The following LIMS2 variants were observed in gnomAD, a reference collection of about 807,000 sequenced individuals.
LIMS2 encodes LIM zinc finger domain containing 2.
A neutral mutation model predicts 45.3 loss-of-function variants in LIMS2; 30 were observed. The ratio of observed to expected loss-of-function variants is 0.66; its 90% confidence interval spans 0.50 to 0.90. The LOEUF (loss-of-function observed/expected upper bound fraction) is 0.90. Among genes scored for constraint, LIMS2 ranks in the 40% least tolerant of loss-of-function variants. The pLI, the probability that LIMS2 is intolerant of heterozygous loss-of-function variation, is 0.00. For missense variants in LIMS2, 485 were observed against 468.7 expected (o/e 1.03, Z -0.32); for synonymous variants, 173 against 188.0 (o/e 0.92, Z 0.65).
At chr2:127,681,420 C>T in exon 1 of LIMS2, 1 of 152,528 alleles carries the variant, frequency 6.6e-6, no homozygotes, top group Non-Finnish European at 1.5e-5. Flanking sequence ...GCCCGCTTGG[C>T]ACAGCCACGT....
In LIMS2 at chr2:127,639,279, C is replaced by G. The variant is rs751283619; in HGVS notation, c.*2G>C. The G allele has an allele frequency of 5.6e-6, 9 of 1,613,250 alleles. No individual in the cohort carries two copies. Among genetic ancestry groups the G allele is most frequent in the Non-Finnish European group, 6.8e-6 (8 of 1,179,670 alleles). On this transcript the variant is annotated 3_prime_UTR_variant, in exon 10 of 10. Transcript: ENST00000355119. ...CCGAGAGGCAGCTGCGCAAGAGGGC[C>G]TTCAGGCAGAGTTGAGGTCTGTGGC...
Position 127,664,162 on chromosome 2 carries a change from G to A in LIMS2, c.12-6600C>T. The stretch of plus-strand genomic sequence containing the variant: ...AGATAAAGTCGCACGCGCCCACCCT[G>A]TCGCCAACCCAGGGCCCATCCGACG... On this transcript the variant is annotated intron_variant, in intron 1 of 9. Transcript: ENST00000355119. The surrounding 1 kb of genome is among the most constrained non-coding windows in gnomAD (Gnocchi z 5.5). 1 of 546,302 alleles carries A rather than the reference G, an allele frequency of 1.8e-6. No homozygotes were observed. Among genetic ancestry groups the A allele is most frequent in the East Asian group, 4.4e-5 (1 of 22,674 alleles). 33.8% of individuals were successfully genotyped at this position (546,302 alleles called of 1,614,324 possible). A position where few individuals can be genotyped will look rare whatever the true frequency, so the allele number is the denominator to read the frequency against.
rs1055568408 is a variant in LIMS2, at chr2:127,642,682, G to A, written c.509+241C>T. On this transcript the variant is annotated intron_variant, in intron 5 of 9. Coordinates refer to ENST00000355119, the MANE Select transcript of LIMS2 (RefSeq NM_001161403.3). The surrounding 1 kb of genome is among the most constrained non-coding windows in gnomAD (Gnocchi z 5.3). ...TGCAGTCTAGGGGTCCAGCCCACCC[G>A]CCTCCTGAGTCTCAAGTGCCCCCCA... 3.0e-5 allele frequency: 16 copies of A among 530,828 alleles called. No homozygotes were observed. Among genetic ancestry groups the A allele is most frequent in the African/African-American group, 1.3e-4 (7 of 52,224 alleles). The allele number at this position is 530,828 out of a possible 1,614,324, so 32.9% of individuals were successfully genotyped here. A position where few individuals can be genotyped will look rare whatever the true frequency, so the allele number is the denominator to read the frequency against.
Position 127,653,293 on chromosome 2 carries a change from G to T in LIMS2, c.359+1131C>A, listed in dbSNP as rs931878888. On this transcript the variant is annotated intron_variant, in intron 4 of 9. Transcript: ENST00000355119. The surrounding 1 kb of genome is among the most constrained non-coding windows in gnomAD (Gnocchi z 5.3). ...GGGGAAGCATGGCTGGGGCCTCTGG[G>T]GGTCGGCGCTGCCTCTCACTGATAC... Among the ~76,000 whole-genome samples, 1 of 152,198 alleles carries T rather than the reference G, an allele frequency of 6.6e-6. No individual in the cohort carries two copies. Among genetic ancestry groups the T allele is most frequent in the African/African-American group, 2.4e-5 (1 of 41,448 alleles).
rs1288705831 is a variant in LIMS2 at position 127,647,764 on chromosome 2, C to T, written c.360-4692G>A. On this transcript the variant is annotated intron_variant, in intron 4 of 9. Coordinates refer to ENST00000355119, the MANE Select transcript of LIMS2 (RefSeq NM_001161403.3). This position sits in a 1 kb window ranked among gnomAD's most constrained non-coding sequence, Gnocchi z 4.3. ...TCCCATCTACCATGGGCTGTCCTCT[C>T]TGCTTGCCCATGCGTCTGCCCTGGA... 2.0e-5 allele frequency among the ~76,000 whole-genome samples: 3 copies of T among 152,112 alleles called. No homozygotes were observed. The highest frequency in any genetic ancestry group is 4.4e-5 in the Non-Finnish European group (3 of 68,014).
chr2:127,670,816 T>A (rs2105342342), intron 1 of LIMS2, among the ~76,000 whole-genome samples: 1 of 152,276 alleles, frequency 6.6e-6, no homozygotes, highest in Admixed American at 6.5e-5. Context: ...AAACAGGCTG[T>A]CCTCCAGAGC....
chr2:127,675,957 C>T (rs1685488332), upstream of LIMS2, among the ~76,000 whole-genome samples: 1 of 152,266 alleles, frequency 6.6e-6, no homozygotes, highest in African/African-American at 2.4e-5. Context: ...GCCCAGCTCC[C>T]AGGTTTCCAG....
upstream of LIMS2, among the ~76,000 whole-genome samples, chr2:127,675,889 C>T (rs1025254832): frequency 5.9e-5 from 9 of 152,238 alleles, no homozygotes. Context: ...TTTCATCCCC[C>T]GTTGCGGGCC....
rs141073360 is a variant in LIMS2, at chr2:127,651,387, A to G, written c.359+3037T>C. ...CACCTGCTACCTGCTGATCATCCGC[A>G]GCCTGCGGCAGGGCCTGCGTGTGGA... On this transcript the variant is annotated intron_variant, in intron 4 of 9. Transcript: ENST00000355119. The G allele has an allele frequency of 1.6e-5, 25 of 1,612,706 alleles. No homozygotes were observed. The African/African-American group carries it at 2.0e-4, about 13-fold the overall frequency.
chr2:127,678,240 C>T (rs901166530), upstream of LIMS2, among the ~76,000 whole-genome samples: 2 of 152,038 alleles, frequency 1.3e-5, no homozygotes, highest in Non-Finnish European at 2.9e-5. The surrounding 1 kb of genome is among the most constrained non-coding windows in gnomAD (Gnocchi z 5.3). Flanking sequence ...TCACTTGAGG[C>T]CAGGAATTCA....
At chr2:127,654,946 T>C (rs924881405) in intron 2 of LIMS2, 50 bp from the exon 3 acceptor site, 6 of 1,550,374 alleles carry the variant, frequency 3.9e-6, no homozygotes, top group South Asian at 1.1e-5. Context: ...ATCATCCCCA[T>C]GAGCAGCCCA....
rs1682288340 is a variant in LIMS2, at chr2:127,640,379, C to A, written c.754-61G>T. ...CAGTCACACCCCAGCCCAGGGCCAT[C>A]ATGCAGCCAGCCTGGCCCTCCAACA... On this transcript the variant is annotated intron_variant, in intron 7 of 9. Transcript: ENST00000355119. 5 of 1,561,104 alleles carry A rather than the reference C, an allele frequency of 3.2e-6. No individual in the cohort carries two copies. In the Admixed American group the frequency reaches 8.5e-5, roughly 26 times the overall value.
intron 2 of LIMS2, chr2:127,655,971 A>G (rs34071492): frequency 0.13 from 19,078 of 152,286 alleles, 1,377 homozygotes; most frequent in South Asian, 0.23. Context: ...GCCAGTGTCC[A>G]TGGTGTGAAT....
At chr2:127,661,952 C>T (rs897949513) in intron 1 of LIMS2, among the ~76,000 whole-genome samples, 3 of 152,334 alleles carry the variant, frequency 2.0e-5, no homozygotes, top group South Asian at 2.1e-4. Context: ...CCCAGACCTT[C>T]CTCCATCCCA....
chr2:127,673,643 C>A (rs149938279), intron 1 of LIMS2: 2 of 1,547,438 alleles, frequency 1.3e-6, no homozygotes, highest in Non-Finnish European at 1.7e-6. Context: ...TCCTCGACAT[C>A]CCTCCTGTGC....
rs1301061710 is a variant in LIMS2, at chr2:127,672,980, C to G, written c.11+2034G>C. Among the ~76,000 whole-genome samples, 1 of 152,206 alleles carries G rather than the reference C, an allele frequency of 6.6e-6. No individual in the cohort carries two copies. The highest frequency in any genetic ancestry group is 1.5e-5 in the Non-Finnish European group (1 of 68,036). On this transcript the variant is annotated intron_variant, in intron 1 of 9. Coordinates refer to ENST00000355119, the MANE Select transcript of LIMS2 (RefSeq NM_001161403.3). This position sits in a 1 kb window ranked among gnomAD's most constrained non-coding sequence, Gnocchi z 4.9. The stretch of plus-strand genomic sequence containing the variant: ...AACAGTGGACGTGGGGAAGGGCACC[C>G]AGCATGAAACGGTGGAAATGAAACT...
Position 127,664,339 on chromosome 2 carries a change from C to A in LIMS2, c.12-6777G>T. ...TGGCGGCGGGCTCTGCCGGTGCTGG[C>A]GCCGCCGGTACAGCCCCGACGCGGC... On this transcript the variant is annotated intron_variant, in intron 1 of 9. Transcript: ENST00000355119. This position sits in a 1 kb window ranked among gnomAD's most constrained non-coding sequence, Gnocchi z 5.5. 1 of 1,228,886 alleles carries A rather than the reference C, an allele frequency of 8.1e-7. No individual in the cohort carries two copies. The highest frequency in any genetic ancestry group is 1.0e-6 in the Non-Finnish European group (1 of 986,632). The allele number at this position is 1,228,886 out of a possible 1,614,324, so 76.1% of individuals were successfully genotyped here.
intron 4 of LIMS2, among the ~76,000 whole-genome samples, chr2:127,650,247 A>G (rs1683591561): frequency 6.6e-6 from 1 of 152,114 alleles, no homozygotes; most frequent in Non-Finnish European, 1.5e-5. Context: ...GGCACTCAGG[A>G]TGAACAGAAC....
intron 4 of LIMS2, chr2:127,649,849 C>A (rs1683523391): frequency 3.1e-6 from 2 of 641,002 alleles, no homozygotes; most frequent in East Asian, 5.6e-5. Flanking sequence ...CCGTCCTCAA[C>A]AGCGCTGGCC....
Sources: allele counts gnomAD v4.1 joint callset (sites outside exome capture counted in the v4.1 genomes callset), GRCh38; gene constraint gnomAD v4.1.1; non-coding constraint Gnocchi (gnomAD v3.1); transcripts MANE v1.5; gene names NCBI Gene and HGNC (gene_info 2026-07-23, HGNC 2026-07-21).